Variants in UBE3D observed in about 807,000 individuals in gnomAD.
UBE3D encodes the protein ubiquitin protein ligase E3D.
Under a neutral mutation model 49.6 loss-of-function variants are expected in UBE3D, and 48 were observed. The ratio of observed to expected loss-of-function variants is 0.97; its 90% CI spans 0.77 to 1.23. The LOEUF is 1.23. UBE3D is among the 50% of genes most tolerant of loss of function. The probability of loss-of-function intolerance (pLI) is 0.00; values close to 1 mark genes in which losing one functional copy is unlikely to be tolerated. For synonymous variants in UBE3D, 189 were observed against 174.2 expected, an observed-to-expected ratio of 1.08 and a Z score of -0.67; for missense variants, 452 against 468.4, an observed-to-expected ratio of 0.96 and a Z score of 0.32.
At chr6:83,014,834 C>A (rs1056593167) in intron 8 of UBE3D, among the ~76,000 whole-genome samples, 4 of 152,276 alleles carry the variant, frequency 2.6e-5, no homozygotes, top group Admixed American at 6.5e-5. Flanking sequence ...TGGCTCAAGT[C>A]TGGAAATTGA....
intron 9 of UBE3D, among the ~76,000 whole-genome samples, chr6:82,947,257 T>C (rs897965363): frequency 2.2e-4 from 34 of 151,968 alleles, no homozygotes; most frequent in South Asian, 4.1e-4. Flanking sequence ...ATATAATGAT[T>C]GTAAATATAT....
At chr6:83,021,042 A>G (rs527774080) in intron 7 of UBE3D, among the ~76,000 whole-genome samples, 35 of 152,324 alleles carry the variant, frequency 2.3e-4, no homozygotes, top group African/African-American at 7.9e-4. Context: ...ATTAGGCTCT[A>G]GTGGTACATG....
intron 9 of UBE3D, among the ~76,000 whole-genome samples, chr6:82,943,284 C>T (rs565885119): frequency 6.6e-6 from 1 of 152,254 alleles, no homozygotes; most frequent in Admixed American, 6.5e-5. Context: ...TATCCACTGT[C>T]CCCCTGACAG....
chr6:82,893,205 G>A (rs1312783550), intron 9 of UBE3D, among the ~76,000 whole-genome samples, 163 bp from the exon 10 acceptor site: 8 of 152,010 alleles, frequency 5.3e-5, no homozygotes. Flanking sequence ...TTTTACAGCA[G>A]GAGCCAATTA....
chr6:83,024,448 T>C (rs1169716846), intron 5 of UBE3D, among the ~76,000 whole-genome samples: 1 of 152,176 alleles, frequency 6.6e-6, no homozygotes, highest in African/African-American at 2.4e-5. Flanking sequence ...ATAAAGGCAG[T>C]TCTAATGGCT....
At chr6:82,926,395 G>A (rs1773752322) in intron 9 of UBE3D, among the ~76,000 whole-genome samples, 1 of 152,008 alleles carries the variant, frequency 6.6e-6, no homozygotes, top group Non-Finnish European at 1.5e-5. Flanking sequence ...TGCAAGTTTT[G>A]GCAATTATGA....
rs61225462 is a variant in UBE3D, at chr6:83,027,434, C to CAAAAAAA, written c.668-3403_668-3397dup. Reference sequence around the variant, plus strand: ...CTGGCGACAGAGCGAGACTCCGTCTCAAAAAAAAAAAAAAAAAAAAAAAAA... The same window carrying CAAAAAAA: ...CTGGCGACAGAGCGAGACTCCGTCTCAAAAAAAAAAAAAAAAAAAAAAAAAAAAAAAA... On this transcript the variant is annotated intron_variant, in intron 5 of 9. Coordinates refer to ENST00000369747, the MANE Select transcript of UBE3D (RefSeq NM_198920.3). Among the ~76,000 whole-genome samples the CAAAAAAA allele has an allele frequency of 4.6e-3, 159 of 34,620 alleles. 20 individuals carry two copies. The highest frequency in any genetic ancestry group is 0.01 in the African/African-American group (96 of 9,148). The allele number at this position is 34,620 out of a possible 152,430, so 22.7% of individuals were successfully genotyped here.
chr6:82,890,647 T>C (rs556012210), downstream of UBE3D, among the ~76,000 whole-genome samples: 2 of 152,180 alleles, frequency 1.3e-5, no homozygotes, highest in Non-Finnish European at 2.9e-5. Context: ...CCACCTCCAC[T>C]CCCCACACTA....
intron 4 of UBE3D, among the ~76,000 whole-genome samples, chr6:83,040,356 C>A (rs1048075725): frequency 6.0e-5 from 9 of 150,716 alleles, no homozygotes; most frequent in African/African-American, 2.2e-4. Flanking sequence ...TGCACTCCAG[C>A]CTGGGCAACA....
chr6:83,050,027 T>A (rs1018377688), intron 3 of UBE3D, among the ~76,000 whole-genome samples: 1 of 152,048 alleles, frequency 6.6e-6, no homozygotes, highest in East Asian at 1.9e-4. Context: ...AAATGTAAAT[T>A]GGAGAATTTT....
At chr6:82,912,744 C>T (rs924400654) in intron 9 of UBE3D, among the ~76,000 whole-genome samples, 7 of 152,186 alleles carry the variant, frequency 4.6e-5, no homozygotes, top group African/African-American at 1.4e-4. Flanking sequence ...GAATAAACTG[C>T]CTTTCACTCA....
In UBE3D at chr6:83,022,475, T is replaced by C; in HGVS notation, c.824A>G (p.Gln275Arg). 2.5e-6 allele frequency: 4 copies of C among 1,602,446 alleles called. No homozygotes were observed. The highest frequency in any genetic ancestry group is 3.4e-6 in the Non-Finnish European group (4 of 1,175,688). ...RSTFRFTIQG[Q>R]DDKVYILLWL... is the part of the protein sequence containing the mutation. The stretch of plus-strand genomic sequence containing the variant: ...TACCAAGATATACACTTTGTCATCC[T>C]GACCTTGAATCGTGAATCTAAAAGT... Residue 275 changes from glutamine to arginine, a missense_variant, in exon 7 of 10, where the codon CAG becomes CGG. By Grantham distance (43) the Gln-to-Arg change is conservative (BLOSUM62 1). Transcript: ENST00000369747.
chr6:82,888,099 G>A (rs535920347), downstream of UBE3D, among the ~76,000 whole-genome samples: 10 of 152,116 alleles, frequency 6.6e-5, no homozygotes, highest in Middle Eastern at 6.8e-3. Flanking sequence ...CTTATAAGGC[G>A]CTTTCTATTT....
chr6:82,950,103 C>T, intron 9 of UBE3D, among the ~76,000 whole-genome samples: 1 of 152,156 alleles, frequency 6.6e-6, no homozygotes, highest in East Asian at 1.9e-4. Context: ...GATACATTTG[C>T]ACACTACCAA....
At chr6:82,944,621 C>A (rs1775264031) in intron 9 of UBE3D, among the ~76,000 whole-genome samples, 2 of 152,328 alleles carry the variant, frequency 1.3e-5, no homozygotes, top group South Asian at 4.1e-4. Flanking sequence ...ACTTTAGGTA[C>A]TAGCTTGGTC....
downstream of UBE3D, among the ~76,000 whole-genome samples, chr6:82,891,374 T>C (rs1266765454): frequency 6.6e-6 from 1 of 152,154 alleles, no homozygotes; most frequent in Non-Finnish European, 1.5e-5. Context: ...CAGACCAAGA[T>C]ATAAACAGTA....
At chr6:82,937,989 G>A (rs536710391) in intron 9 of UBE3D, among the ~76,000 whole-genome samples, 27 of 152,062 alleles carry the variant, frequency 1.8e-4, no homozygotes, top group African/African-American at 4.6e-4. Context: ...GGGCGTGTGC[G>A]CGCGCACACA....
chr6:83,063,412 T>TAAAAAAAAA (rs201669450), intron 1 of UBE3D, among the ~76,000 whole-genome samples: 5 of 45,482 alleles, frequency 1.1e-4, no homozygotes, highest in African/African-American at 3.5e-4. Context: ...AGACGCTGTC[T>TAAAAAAAAA]AAAAAAAAAA....
chr6:82,950,081 AC>A (rs1322961865), intron 9 of UBE3D, among the ~76,000 whole-genome samples: 1 of 152,210 alleles, frequency 6.6e-6, no homozygotes, highest in African/African-American at 2.4e-5. Context: ...GAGACAACTC[AC>A]AGAATGGAAC....
Sources: allele counts gnomAD v4.1 joint callset (sites outside exome capture counted in the v4.1 genomes callset), GRCh38; gene constraint gnomAD v4.1.1; transcripts MANE v1.5; gene names NCBI Gene and HGNC (gene_info 2026-07-23, HGNC 2026-07-21).